Variants in PDE4D observed in about 807,000 individuals in gnomAD.
PDE4D encodes the protein 3',5'-cyclic-AMP phosphodiesterase 4D.
A neutral mutation model predicts 87.4 loss-of-function variants in PDE4D; 24 were observed. The ratio of observed to expected loss-of-function variants is 0.27; its 90% CI spans 0.20 to 0.39. PDE4D has a LOEUF of 0.39. Among genes scored for constraint, PDE4D ranks in the 10% least tolerant of loss-of-function variants. PDE4D has a pLI of 1.00. For missense variants in PDE4D, 714 were observed against 1,041.0 expected, an observed-to-expected ratio of 0.69 and a Z score of 4.32; for synonymous variants, 384 against 383.2, an observed-to-expected ratio of 1.00 and a Z score of -0.02.
intron 1 of PDE4D, among the ~76,000 whole-genome samples, chr5:60,400,261 G>A (rs1008461984): frequency 6.6e-6 from 1 of 152,090 alleles, no homozygotes; most frequent in Non-Finnish European, 1.5e-5. Flanking sequence ...ATAAATTCTC[G>A]CCTGTAATCC....
intron 1 of PDE4D, chr5:59,314,844 T>G (rs1773383318): frequency 6.6e-6 from 1 of 152,174 alleles, no homozygotes; most frequent in Non-Finnish European, 1.5e-5. Context: ...GATAAATTTG[T>G]CTTCTCCAGG....
At chr5:58,989,015 A>G (rs997761083) in intron 10 of PDE4D, among the ~76,000 whole-genome samples, 1 of 152,168 alleles carries the variant, frequency 6.6e-6, no homozygotes, top group Non-Finnish European at 1.5e-5. Flanking sequence ...TTTGGGCCCA[A>G]TAACTCTTTG....
chr5:59,862,385 C>A (rs1332431746), intron 1 of PDE4D, among the ~76,000 whole-genome samples: 1 of 152,090 alleles, frequency 6.6e-6, no homozygotes, highest in Non-Finnish European at 1.5e-5. Context: ...ATTTGTCATG[C>A]GTATCCTCAG....
At chr5:59,155,641 T>C (rs926332666) in intron 5 of PDE4D, among the ~76,000 whole-genome samples, 3 of 151,994 alleles carry the variant, frequency 2.0e-5, no homozygotes, top group Admixed American at 1.3e-4. Context: ...GTGAGAGACA[T>C]GAATGGGGAA....
intron 1 of PDE4D, among the ~76,000 whole-genome samples, chr5:60,508,887 TC>T (rs1357407860): frequency 4.7e-5 from 7 of 150,406 alleles, no homozygotes; most frequent in African/African-American, 1.8e-4. Context: ...TTCTTTCTTT[TC>T]TTTTATTTAT....
intron 1 of PDE4D, among the ~76,000 whole-genome samples, chr5:59,624,539 CGT>C (rs1830686515): frequency 1.3e-5 from 2 of 152,166 alleles, no homozygotes; most frequent in Non-Finnish European, 2.9e-5. Context: ...GTGGCACAAA[CGT>C]GGTAGTACTC....
chr5:59,010,656 A>G (rs1293021933), intron 6 of PDE4D, among the ~76,000 whole-genome samples: 1 of 152,116 alleles, frequency 6.6e-6, no homozygotes, highest in African/African-American at 2.4e-5. Context: ...GGAGACACAA[A>G]AATCCAATAA....
chr5:59,888,329 T>C (rs1294382335), intron 1 of PDE4D, among the ~76,000 whole-genome samples: 1 of 152,246 alleles, frequency 6.6e-6, no homozygotes, highest in Non-Finnish European at 1.5e-5. Flanking sequence ...TACATCATTT[T>C]AGAATCAAAA....
intron 1 of PDE4D, among the ~76,000 whole-genome samples, chr5:59,651,598 T>C (rs1051700417): frequency 6.6e-6 from 1 of 152,142 alleles, no homozygotes; most frequent in African/African-American, 2.4e-5. Context: ...ATTATAATTG[T>C]TGAGTGTAAT....
At chr5:59,623,556 T>A (rs548649464) in intron 1 of PDE4D, among the ~76,000 whole-genome samples, 44 of 152,256 alleles carry the variant, frequency 2.9e-4, no homozygotes, top group African/African-American at 1.0e-3. Context: ...TCTAAATAAA[T>A]CTATTATCTT....
At chr5:59,416,830 C>T (rs1793688457) in intron 1 of PDE4D, among the ~76,000 whole-genome samples, 1 of 152,118 alleles carries the variant, frequency 6.6e-6, no homozygotes, top group South Asian at 2.1e-4. Flanking sequence ...ATACTTAGCA[C>T]TTACCCATAG....
At chr5:59,379,767 C>A (rs1458116615) in intron 1 of PDE4D, among the ~76,000 whole-genome samples, 1 of 151,804 alleles carries the variant, frequency 6.6e-6, no homozygotes, top group Admixed American at 6.6e-5. Context: ...TTTAATATCC[C>A]AAATTACTTC....
At chr5:59,167,165 G>A (rs898292040) in intron 5 of PDE4D, among the ~76,000 whole-genome samples, 4 of 152,222 alleles carry the variant, frequency 2.6e-5, no homozygotes, top group East Asian at 1.9e-4. Flanking sequence ...ACACATCGGC[G>A]TGACTTTTCT....
At chr5:59,441,269 A>G (rs955582353) in intron 1 of PDE4D, among the ~76,000 whole-genome samples, 2 of 152,082 alleles carry the variant, frequency 1.3e-5, no homozygotes, top group African/African-American at 4.8e-5. Flanking sequence ...AATTTTTTAA[A>G]AATTTTTAGG....
chr5:59,827,700 T>A (rs1329741493), intron 1 of PDE4D, among the ~76,000 whole-genome samples: 1 of 152,092 alleles, frequency 6.6e-6, no homozygotes, highest in Non-Finnish European at 1.5e-5. Flanking sequence ...TTCTGAGAGA[T>A]GATGCTGGGT....
intron 1 of PDE4D, chr5:59,314,460 CAA>C (rs1773292782): frequency 6.6e-6 from 1 of 152,136 alleles, no homozygotes; most frequent in South Asian, 2.1e-4. Flanking sequence ...CCTCTCTACA[CAA>C]ATTGGAGACC....
Position 60,158,422 on chromosome 5 carries a change from A to G in PDE4D, c.42+27135T>C, listed in dbSNP as rs188058120. ...AGATAAAAATATACCTGTAGAAAAC[A>G]CCTACCGTGAATGGAGGCTACAAGA... On this transcript the variant is annotated intron_variant, in intron 2 of 16. Coordinates refer to the PDE4D transcript ENST00000502484. Among the ~76,000 whole-genome samples the G allele has an allele frequency of 1.4e-4, 22 of 152,302 alleles. No individual in the cohort carries two copies. The East Asian group carries it at 2.9e-3, about 20-fold the overall frequency.
chr5:59,120,352 G>A (rs1421327257), intron 5 of PDE4D, among the ~76,000 whole-genome samples: 4 of 152,032 alleles, frequency 2.6e-5, no homozygotes, highest in Non-Finnish European at 4.4e-5. Context: ...GCCCCATGAC[G>A]TGCACTTCAC....
intron 1 of PDE4D, among the ~76,000 whole-genome samples, chr5:60,302,443 A>AAT (rs1753985175): frequency 6.6e-6 from 1 of 152,118 alleles, no homozygotes; most frequent in African/African-American, 2.4e-5. Flanking sequence ...TAGTTTTTCC[A>AAT]ATATATATAC....
Sources: allele counts gnomAD v4.1 joint callset (sites outside exome capture counted in the v4.1 genomes callset), GRCh38; gene constraint gnomAD v4.1.1; transcripts MANE v1.5; gene names NCBI Gene and HGNC (gene_info 2026-07-23, HGNC 2026-07-21).